COL19A1: variants seen among roughly 807,000 people sequenced by gnomAD.
COL19A1 encodes collagen type XIX alpha 1 chain.
A neutral mutation model predicts 190.2 loss-of-function variants in COL19A1; 159 were observed. That is an observed-to-expected ratio of 0.84 (90% CI 0.73 to 0.95). The LOEUF (loss-of-function observed/expected upper bound fraction) is 0.95. COL19A1 is among the 40% of genes least tolerant of loss of function. The probability of loss-of-function intolerance (pLI) is 0.00; values close to 1 mark genes in which losing one functional copy is unlikely to be tolerated. For synonymous variants in COL19A1, 509 were observed against 458.9 expected, an observed-to-expected ratio of 1.11 and a Z score of -1.39; for missense variants, 1,418 against 1,431.9, an observed-to-expected ratio of 0.99 and a Z score of 0.16.
At chr6:70,205,904 A>T (rs1767819365) in intron 49 of COL19A1, among the ~76,000 whole-genome samples, 1 of 152,218 alleles carries the variant, frequency 6.6e-6, no homozygotes, top group African/African-American at 2.4e-5. Flanking sequence ...GGAGACTGTC[A>T]GTCTCCTCTC....
chr6:69,981,642 T>TTA (rs1554183826), intron 11 of COL19A1, among the ~76,000 whole-genome samples: 1 of 151,806 alleles, frequency 6.6e-6, no homozygotes, highest in Non-Finnish European at 1.5e-5. Flanking sequence ...TTACATTATA[T>TTA]TATATATATT....
At chr6:70,131,446 G>T (rs1245130905) in intron 18 of COL19A1, among the ~76,000 whole-genome samples, 1 of 152,116 alleles carries the variant, frequency 6.6e-6, no homozygotes. Context: ...ATTGATGATT[G>T]AAAATGAAAT....
intron 17 of COL19A1, among the ~76,000 whole-genome samples, chr6:70,126,715 C>T (rs1352075856): frequency 6.6e-6 from 1 of 152,218 alleles, no homozygotes; most frequent in African/African-American, 2.4e-5. Context: ...GCCTAAACAA[C>T]ACAAATATAT....
intron 14 of COL19A1, among the ~76,000 whole-genome samples, chr6:70,067,912 C>G (rs2150150048): frequency 6.6e-6 from 1 of 151,990 alleles, no homozygotes; most frequent in South Asian, 2.1e-4. Flanking sequence ...TTCCCTACCA[C>G]TTTATATTAT....
At chr6:70,031,734 T>A (rs1417558130) in intron 12 of COL19A1, among the ~76,000 whole-genome samples, 1 of 152,238 alleles carries the variant, frequency 6.6e-6, no homozygotes, top group East Asian at 1.9e-4. Flanking sequence ...TGATTCCATA[T>A]CTTTGCTAGG....
At chr6:70,045,587 C>T (rs1779866975) in intron 14 of COL19A1, among the ~76,000 whole-genome samples, 2 of 152,162 alleles carry the variant, frequency 1.3e-5, no homozygotes, top group Admixed American at 6.5e-5. Context: ...CTACAGCTGG[C>T]AACAGCTGAA....
intron 11 of COL19A1, among the ~76,000 whole-genome samples, chr6:69,977,942 G>GA (rs921946420): frequency 1.4e-4 from 21 of 150,420 alleles, no homozygotes; most frequent in African/African-American, 3.2e-4. Context: ...TGGTCATATT[G>GA]AAAAAAAAAA....
At position 69,926,833 on chromosome 6, in the gene COL19A1, C is replaced by T. The variant is rs565210993; in HGVS notation, c.267-1076C>T. Among the ~76,000 whole-genome samples, 9 of 152,134 alleles carry T rather than the reference C, an allele frequency of 5.9e-5. No homozygotes were observed. The East Asian group carries it at 1.4e-3, about 23-fold the overall frequency. Reference sequence around the variant, plus strand: ...ACTTAGTCACATGATAACCAAACTGCCAAAAGTCAAAGAGAGAATTTTTAC... The same window carrying T: ...ACTTAGTCACATGATAACCAAACTGTCAAAAGTCAAAGAGAGAATTTTTAC... On this transcript the variant is annotated intron_variant, in intron 4 of 50. Coordinates refer to ENST00000620364, the MANE Select transcript of COL19A1 (RefSeq NM_001858.6).
intron 14 of COL19A1, among the ~76,000 whole-genome samples, chr6:70,060,927 A>G (rs575574817): frequency 6.6e-6 from 1 of 152,154 alleles, no homozygotes; most frequent in Admixed American, 6.6e-5. Flanking sequence ...GTCAACTAAA[A>G]GGATAAATGA....
chr6:70,203,153 A>G (rs1767651561), intron 49 of COL19A1, among the ~76,000 whole-genome samples: 1 of 152,208 alleles, frequency 6.6e-6, no homozygotes, highest in Non-Finnish European at 1.5e-5. Context: ...ATGAGAAAAC[A>G]CTTCATTTAA....
intron 1 of COL19A1, among the ~76,000 whole-genome samples, chr6:69,868,470 C>G (rs1168587578): frequency 6.6e-6 from 1 of 152,134 alleles, no homozygotes; most frequent in Non-Finnish European, 1.5e-5. Flanking sequence ...TTTATGCTCT[C>G]TCTAGGGGAT....
At chr6:69,921,266 A>G (rs1234895335) in intron 4 of COL19A1, among the ~76,000 whole-genome samples, 6 of 131,600 alleles carry the variant, frequency 4.6e-5, no homozygotes, top group Non-Finnish European at 7.7e-5. Flanking sequence ...CATATCATAT[A>G]TCATATATAT....
intron 18 of COL19A1, 95 bp downstream of exon 18, chr6:70,130,318 C>A: frequency 1.0e-6 from 1 of 995,230 alleles, no homozygotes; most frequent in South Asian, 1.5e-5. Context: ...CTCCACCTCC[C>A]AGGTTCAAGT....
chr6:70,172,153 G>T, intron 41 of COL19A1, 136 bp downstream of exon 41: 1 of 662,562 alleles, frequency 1.5e-6, no homozygotes, highest in South Asian at 1.8e-5. Context: ...GTACTCATGG[G>T]ACTTACATTC....
intron 42 of COL19A1, among the ~76,000 whole-genome samples, chr6:70,178,117 T>C (rs1765929125): frequency 6.6e-6 from 1 of 152,210 alleles, no homozygotes; most frequent in South Asian, 2.1e-4. Flanking sequence ...CTAGGCATAG[T>C]GGACTCACAC....
Position 70,206,982 on chromosome 6 carries a change from A to C in COL19A1, c.3301+4A>C, listed in dbSNP as rs1365798487. 5.0e-6 allele frequency: 8 copies of C among 1,613,248 alleles called. No homozygotes were observed. Among genetic ancestry groups the C allele is most frequent in the Non-Finnish European group, 6.8e-6 (8 of 1,179,736 alleles). Reference sequence around the variant, plus strand: ...CCAGGTCTTCCTGGGACTTCAGGTAAGTGGGATATTGTCTTCACAACACAA... The same window carrying C: ...CCAGGTCTTCCTGGGACTTCAGGTACGTGGGATATTGTCTTCACAACACAA... On this transcript the variant is annotated splice_donor_region_variant and intron_variant, in intron 50 of 50. Transcript: ENST00000620364.
At chr6:70,199,089 G>GT (rs1767389701) in intron 48 of COL19A1, among the ~76,000 whole-genome samples, 1 of 152,170 alleles carries the variant, frequency 6.6e-6, no homozygotes, top group African/African-American at 2.4e-5. Flanking sequence ...CATCTCTCTA[G>GT]TTGCCCACTG....
chr6:70,071,798 C>T (rs1015438309), intron 15 of COL19A1, among the ~76,000 whole-genome samples: 3 of 151,874 alleles, frequency 2.0e-5, no homozygotes, highest in East Asian at 1.9e-4. Context: ...CATCATGAGG[C>T]AGAAAAAGGC....
chr6:70,119,894 C>A (rs1464796329), intron 16 of COL19A1, among the ~76,000 whole-genome samples: 1 of 152,184 alleles, frequency 6.6e-6, no homozygotes. Context: ...AGTTCAAGAC[C>A]AGCCTGGCCA....
Sources: allele counts gnomAD v4.1 joint callset (sites outside exome capture counted in the v4.1 genomes callset), GRCh38; gene constraint gnomAD v4.1.1; transcripts MANE v1.5; gene names NCBI Gene and HGNC (gene_info 2026-07-23, HGNC 2026-07-21).